Variants in TENM2 observed in about 807,000 individuals in gnomAD.
The protein encoded by TENM2 is teneurin-2.
In TENM2, 52 loss-of-function variants were observed where a neutral mutation model predicts 245.2. That is an observed-to-expected ratio of 0.21 (90% CI 0.17 to 0.27). The LOEUF (loss-of-function observed/expected upper bound fraction) is 0.27. Among genes scored for constraint, TENM2 ranks in the 10% least tolerant of loss-of-function variants. The pLI, the probability that TENM2 is intolerant of heterozygous loss-of-function variation, is 1.00. For missense variants in TENM2, 3,046 were observed against 3,666.8 expected (o/e 0.83, Z 4.37); for synonymous variants, 1,363 against 1,438.9 (o/e 0.95, Z 1.19).
intron 1 of TENM2, among the ~76,000 whole-genome samples, chr5:167,304,246 A>G (rs73803148): frequency 0.025 from 3,843 of 152,278 alleles, 175 homozygotes; most frequent in African/African-American, 0.087. Context: ...GGGAAGGTCC[A>G]GCACCATCAT....
intron 5 of TENM2, among the ~76,000 whole-genome samples, chr5:168,022,942 A>AG (rs1375381343): frequency 2.0e-5 from 3 of 152,112 alleles, no homozygotes; most frequent in Non-Finnish European, 4.4e-5. Flanking sequence ...TATCTAGGCA[A>AG]GGGTGCGTGT....
the TENM2 span, among the ~76,000 whole-genome samples, chr5:167,170,486 G>T: frequency 6.6e-6 from 1 of 151,996 alleles, no homozygotes; most frequent in Non-Finnish European, 1.5e-5. Flanking sequence ...TTAATATATT[G>T]GTTAAAATCA....
At chr5:167,217,153 A>C in the TENM2 span, among the ~76,000 whole-genome samples, 1 of 152,188 alleles carries the variant, frequency 6.6e-6, no homozygotes, top group African/African-American at 2.4e-5. Flanking sequence ...TGGTTTCTTA[A>C]TGAGTTTCTA....
At chr5:167,710,398 G>A (rs1238373271) in intron 2 of TENM2, among the ~76,000 whole-genome samples, 2 of 152,164 alleles carry the variant, frequency 1.3e-5, no homozygotes, top group African/African-American at 4.8e-5. Context: ...ATATCTGCTG[G>A]GCAGAGGAGC....
chr5:168,260,668 T>G (rs1768103061), intron 28 of TENM2, among the ~76,000 whole-genome samples: 1 of 152,148 alleles, frequency 6.6e-6, no homozygotes, highest in African/African-American at 2.4e-5. Flanking sequence ...TACCTTTGAG[T>G]CACTCCTTGA....
At chr5:168,087,863 C>T (rs1245148460) in intron 7 of TENM2, among the ~76,000 whole-genome samples, 1 of 152,100 alleles carries the variant, frequency 6.6e-6, no homozygotes, top group Admixed American at 6.5e-5. Flanking sequence ...ACACATCAGA[C>T]ACCATATCAT....
intron 5 of TENM2, among the ~76,000 whole-genome samples, chr5:167,995,465 G>A (rs1581000809): frequency 6.6e-6 from 1 of 152,120 alleles, no homozygotes; most frequent in African/African-American, 2.4e-5. Context: ...AATAGTTTAT[G>A]ACACAAAATG....
intron 9 of TENM2, among the ~76,000 whole-genome samples, chr5:168,102,353 G>A (rs939413070): frequency 1.3e-4 from 20 of 152,184 alleles, no homozygotes; most frequent in Admixed American, 5.9e-4. Flanking sequence ...GATTACAGGC[G>A]TGAGCCACCT....
chr5:168,188,622 C>G (rs1316209913), intron 13 of TENM2, among the ~76,000 whole-genome samples: 2 of 152,148 alleles, frequency 1.3e-5, no homozygotes, highest in African/African-American at 2.4e-5. Context: ...CATCATTTTT[C>G]TCTTCAAAGA....
chr5:168,010,352 T>C (rs1260879892), intron 5 of TENM2, among the ~76,000 whole-genome samples: 1 of 152,162 alleles, frequency 6.6e-6, no homozygotes, highest in African/African-American at 2.4e-5. Flanking sequence ...AAGTTTAAAG[T>C]GGAGTTTGGA....
chr5:167,725,755 C>G (rs1204316846), intron 2 of TENM2, among the ~76,000 whole-genome samples: 1 of 152,070 alleles, frequency 6.6e-6, no homozygotes, highest in African/African-American at 2.4e-5. Context: ...CATCTGTTAC[C>G]ACTTCCTACA....
intron 2 of TENM2, among the ~76,000 whole-genome samples, chr5:167,428,959 A>G (rs1472394690): frequency 1.3e-5 from 2 of 152,230 alleles, no homozygotes; most frequent in East Asian, 3.8e-4. Context: ...GTCCTTCTTC[A>G]TCAGTAACAT....
chr5:167,806,371 G>A (rs1183379239), intron 2 of TENM2, among the ~76,000 whole-genome samples: 1 of 151,956 alleles, frequency 6.6e-6, no homozygotes, highest in Non-Finnish European at 1.5e-5. Context: ...ATAGATGAGA[G>A]CATCTCAACT....
chr5:167,452,964 T>TTTAAATATATATATATATTTAA (rs1554157789), intron 2 of TENM2, among the ~76,000 whole-genome samples: 3 of 108,220 alleles, frequency 2.8e-5, no homozygotes, highest in South Asian at 2.9e-4. Flanking sequence ...TATATATATT[T>TTTAAATATATATATATATTTAA]AAAAAAAAAA....
intron 24 of TENM2, 37 bp from the exon 27 acceptor site, chr5:168,227,858 T>A (rs776072802): frequency 8.1e-6 from 11 of 1,364,680 alleles, no homozygotes; most frequent in Non-Finnish European, 9.1e-6. Context: ...GCGGATAATT[T>A]ATTTCCCTAT....
chr5:167,257,458 T>C, the TENM2 span, among the ~76,000 whole-genome samples: 2 of 152,090 alleles, frequency 1.3e-5, no homozygotes, highest in African/African-American at 4.8e-5. Context: ...TCTTTGGGTA[T>C]ATCCTAATTC....
intron 2 of TENM2, among the ~76,000 whole-genome samples, chr5:167,447,070 TC>T (rs1765269988): frequency 6.6e-6 from 1 of 152,206 alleles, no homozygotes; most frequent in Admixed American, 6.5e-5. Context: ...ATTGGGGTTT[TC>T]AGATTTGGAA....
intron 5 of TENM2, among the ~76,000 whole-genome samples, chr5:168,021,615 A>G (rs926820824): frequency 2.0e-5 from 3 of 152,138 alleles, no homozygotes; most frequent in Non-Finnish European, 4.4e-5. Context: ...ATCTGAATCT[A>G]CAGAACTCAC....
At chr5:168,214,763 A>AGTGGGAG in intron 20 of TENM2, 2 of 534,812 alleles carry the variant, frequency 3.7e-6, no homozygotes, top group Non-Finnish European at 7.2e-6. Context: ...ACAGGATCGG[A>AGTGGGAG]GTGGGAGCTC....
Sources: allele counts gnomAD v4.1 joint callset (sites outside exome capture counted in the v4.1 genomes callset), GRCh38; gene constraint gnomAD v4.1.1; transcripts MANE v1.5; gene names NCBI Gene and HGNC (gene_info 2026-07-23, HGNC 2026-07-21).